MYCBP2: variants seen among roughly 807,000 people sequenced by gnomAD.
The protein encoded by MYCBP2 is E3 ubiquitin-protein ligase MYCBP2.
A neutral mutation model predicts 525.3 loss-of-function variants in MYCBP2; 120 were observed. The observed-to-expected ratio is 0.23, with a 90% CI of 0.20 to 0.27. MYCBP2 has a LOEUF of 0.27. Ranked by LOEUF, MYCBP2 falls within the 10% of genes least tolerant of loss-of-function variation. The probability of loss-of-function intolerance (pLI) is 1.00; values close to 1 mark genes in which losing one functional copy is unlikely to be tolerated. For missense variants in MYCBP2, 4,149 were observed against 5,657.1 expected (o/e 0.73, Z 8.55); for synonymous variants, 1,894 against 1,955.8 (o/e 0.97, Z 0.83).
At chr13:77,322,031 A>G (rs1470132883) in intron 1 of MYCBP2, among the ~76,000 whole-genome samples, 8 of 152,112 alleles carry the variant, frequency 5.3e-5, no homozygotes, top group Non-Finnish European at 1.2e-4. Flanking sequence ...ATGGTGGTGC[A>G]TGCCTGTAGT....
At chr13:77,213,408 G>C (rs922139849) in intron 21 of MYCBP2, among the ~76,000 whole-genome samples, 1 of 152,062 alleles carries the variant, frequency 6.6e-6, no homozygotes, top group East Asian at 1.9e-4. Flanking sequence ...CTGGGAGCCG[G>C]AGGTTTCAGT....
At chr13:77,214,377 C>T (rs1376438976) in intron 21 of MYCBP2, among the ~76,000 whole-genome samples, 1 of 151,724 alleles carries the variant, frequency 6.6e-6, no homozygotes, top group Non-Finnish European at 1.5e-5. Flanking sequence ...TTGGAAACCA[C>T]GTAAATATAT....
chr13:77,111,766 T>C (rs2048865396), intron 55 of MYCBP2, among the ~76,000 whole-genome samples: 1 of 152,166 alleles, frequency 6.6e-6, no homozygotes, highest in South Asian at 2.1e-4. Context: ...AGGACCTTTT[T>C]CATAATATTT....
intron 39 of MYCBP2, among the ~76,000 whole-genome samples, chr13:77,169,268 C>T (rs892990628): frequency 1.3e-5 from 2 of 151,804 alleles, no homozygotes; most frequent in Non-Finnish European, 2.9e-5. Flanking sequence ...CAGTGGCGGG[C>T]GCCTGTAGTC....
chr13:77,305,303 A>G (rs889305861), intron 1 of MYCBP2, among the ~76,000 whole-genome samples: 1 of 152,118 alleles, frequency 6.6e-6, no homozygotes, highest in Non-Finnish European at 1.5e-5. Flanking sequence ...CTCACCAACT[A>G]ATGAATGTAT....
intron 56 of MYCBP2, 66 bp downstream of exon 56, chr13:77,097,304 C>T: frequency 6.6e-7 from 1 of 1,526,506 alleles, no homozygotes; most frequent in Non-Finnish European, 8.7e-7. Flanking sequence ...TAGAACAGCT[C>T]AAATAAAGTG....
At chr13:77,250,037 A>C (rs367545920) in intron 15 of MYCBP2, among the ~76,000 whole-genome samples, 22 of 151,670 alleles carry the variant, frequency 1.5e-4, no homozygotes, top group African/African-American at 5.3e-4. Context: ...TCCCGGCTAA[A>C]ACGGTGAAAC....
chr13:77,081,931 T>C lies in MYCBP2; in HGVS notation c.11099A>G (p.His3700Arg), dbSNP rs751968087. 17 of 1,613,706 alleles carry C rather than the reference T, an allele frequency of 1.1e-5. No individual in the cohort carries two copies. The highest frequency in any genetic ancestry group is 1.4e-5 in the Non-Finnish European group (17 of 1,179,758). ...CTTTGACAAAATATTGTTAATGTGATGAAAGACGTTGCTCTGATGAAGGAA... is the reference window on the plus strand; with the variant it reads ...CTTTGACAAAATATTGTTAATGTGACGAAAGACGTTGCTCTGATGAAGGAA... ...HQFLHQSNVF[H>R]HINNILSKSD... The change falls in exon 64 of 83, where the codon CAT (histidine) becomes CGT (arginine). Residue 3700 changes from histidine to arginine, a missense_variant. Physicochemically the swap from His to Arg is conservative, Grantham distance 29. Transcript: ENST00000544440. This position sits in a 1 kb window ranked among gnomAD's most constrained non-coding sequence, Gnocchi z 4.6.
intron 1 of MYCBP2, among the ~76,000 whole-genome samples, chr13:77,299,720 A>G (rs537182806): frequency 6.6e-6 from 1 of 152,324 alleles, no homozygotes; most frequent in South Asian, 2.1e-4. Context: ...TTAGGGCTTT[A>G]TATTCTAAAT....
chr13:77,190,338 AAGAAG>A lies in MYCBP2; in HGVS notation c.4071-8_4071-4del, dbSNP rs2061176405. The A allele has an allele frequency of 3.2e-6, 5 of 1,576,732 alleles. No homozygotes were observed. Among genetic ancestry groups the A allele is most frequent in the Non-Finnish European group, 4.3e-6 (5 of 1,150,032 alleles). ...AACTCTTGAACTGGAAAACAACCCT[AAGAAG>A]AGAAAACAATGATACCAAAAACAAC... On this transcript the variant is annotated splice_polypyrimidine_tract_variant and splice_region_variant and intron_variant, in intron 28 of 82. Transcript: ENST00000544440.
chr13:77,070,593 C>CAA (rs1394288703), intron 69 of MYCBP2, 38 bp downstream of exon 69: 4 of 1,429,272 alleles, frequency 2.8e-6, no homozygotes, highest in South Asian at 1.2e-5. Flanking sequence ...CACACACACA[C>CAA]AAAACTAATG....
At position 77,233,412 on chromosome 13, in the gene MYCBP2, C is replaced by A. The variant is rs569479024; in HGVS notation, c.2630-149G>T. 3,800 of 582,806 alleles carry A rather than the reference C, an allele frequency of 6.5e-3. 25 individuals carry two copies. Among genetic ancestry groups the A allele is most frequent in the Non-Finnish European group, 9.8e-3 (3,290 of 334,360 alleles). 36.1% of individuals were successfully genotyped at this position (582,806 alleles called of 1,614,324 possible). On this transcript the variant is annotated intron_variant, in intron 17 of 82. Coordinates refer to ENST00000544440, the MANE Select transcript of MYCBP2 (RefSeq NM_015057.5). Reference sequence around the variant, plus strand: ...TTTCTTCCAATTTCCCCACTCCAGCCCCCCACCCCCACCCATAACCTAATC... The same window carrying A: ...TTTCTTCCAATTTCCCCACTCCAGCACCCCACCCCCACCCATAACCTAATC...
At chr13:77,291,279 A>G (rs1426100025) in intron 2 of MYCBP2, among the ~76,000 whole-genome samples, 1 of 152,256 alleles carries the variant, frequency 6.6e-6, no homozygotes, top group Non-Finnish European at 1.5e-5. Context: ...ACATGAAAAG[A>G]TTTCACATCA....
rs375807007 is a variant in MYCBP2 at position 77,211,250 on chromosome 13, A to G, written c.3333T>C (p.Ser1111=). The part of the protein sequence containing the change: ...KCLLINKVDG[S]CKTFNDSEQE... ...GTTCTGAGTCATTAAAAGTTTTACA[A>G]CTCCCATCCACTTTATTTATCAGAA... is the stretch of plus-strand genomic sequence containing the variant. Residue 1111 remains serine, a synonymous_variant, in exon 23 of 83, where the codon AGT becomes AGC. Transcript: ENST00000544440. 9.7e-6 allele frequency: 15 copies of G among 1,546,452 alleles called. No individual in the cohort carries two copies. Among genetic ancestry groups the G allele is most frequent in the Non-Finnish European group, 1.3e-5 (15 of 1,142,882 alleles).
At chr13:77,056,096 TTTG>T (rs2037906843) in intron 79 of MYCBP2, among the ~76,000 whole-genome samples, 4 of 128,806 alleles carry the variant, frequency 3.1e-5, no homozygotes, top group African/African-American at 1.2e-4. Flanking sequence ...ACGCTCTGTG[TTTG>T]GTGTGTGTGT....
At chr13:77,111,674 C>T (rs1842685641) in intron 55 of MYCBP2, among the ~76,000 whole-genome samples, 1 of 151,840 alleles carries the variant, frequency 6.6e-6, no homozygotes, top group African/African-American at 2.4e-5. Context: ...ATTTCTTCTA[C>T]ATTCTCCCTG....
intron 2 of MYCBP2, among the ~76,000 whole-genome samples, chr13:77,291,839 G>A (rs2077513446): frequency 1.3e-5 from 2 of 151,966 alleles, no homozygotes; most frequent in Admixed American, 6.6e-5. Context: ...AACGCTGCAG[G>A]CATGATTGCT....
rs531356167 is a variant in MYCBP2, at chr13:77,172,040, A to G, written c.5652-406T>C. On this transcript the variant is annotated intron_variant, in intron 37 of 82. Transcript: ENST00000544440. The stretch of plus-strand genomic sequence containing the variant: ...CTCGGCCTCCCAAATAGCTGGGATT[A>G]TAGGCATGCACCACCACGCCCAGCT... 6.0e-4 allele frequency among the ~76,000 whole-genome samples: 91 copies of G among 152,194 alleles called. 1 individual carries two copies. The highest frequency in any genetic ancestry group is 2.1e-3 in the African/African-American group (89 of 41,524).
chr13:77,252,962 G>A (rs2071482076), intron 14 of MYCBP2, among the ~76,000 whole-genome samples: 1 of 151,894 alleles, frequency 6.6e-6, no homozygotes, highest in South Asian at 2.1e-4. Context: ...CAATCACAAT[G>A]CCAAGCAAAT....
Sources: gnomAD v4.1 joint callset for allele counts (sites outside exome capture counted in the v4.1 genomes callset) on GRCh38, gnomAD v4.1.1 for gene constraint, Gnocchi (gnomAD v3.1) non-coding constraint, MANE v1.5 for transcripts, NCBI Gene and HGNC (gene_info 2026-07-23, HGNC 2026-07-21) for gene names.